FNBP4: variants seen among roughly 807,000 people sequenced by gnomAD.
FNBP4 encodes formin-binding protein 4.
Under a neutral mutation model 119.3 loss-of-function variants are expected in FNBP4, and 34 were observed. That is an observed-to-expected ratio of 0.28 (90% CI 0.22 to 0.38). FNBP4 has a LOEUF of 0.38. Among genes scored for constraint, FNBP4 ranks in the 10% least tolerant of loss-of-function variants. The probability of loss-of-function intolerance (pLI) is 1.00; values close to 1 mark genes in which losing one functional copy is unlikely to be tolerated. For synonymous variants in FNBP4, 462 were observed against 430.6 expected (o/e 1.07, Z -0.90); for missense variants, 1,112 against 1,228.9 (o/e 0.90, Z 1.42).
At chr11:47,743,864 G>T in intron 8 of FNBP4, 89 bp downstream of exon 8, 2 of 1,179,718 alleles carry the variant, frequency 1.7e-6, no homozygotes, top group East Asian at 2.4e-5. Context: ...ACAATCTCCT[G>T]TTTTGTTGAA....
chr11:47,756,024 G>A (rs1052864394), intron 2 of FNBP4, among the ~76,000 whole-genome samples: 1 of 152,120 alleles, frequency 6.6e-6, no homozygotes, highest in African/African-American at 2.4e-5. Context: ...AGTTAAAAAC[G>A]AAGCTTTTAA....
At position 47,754,580 on chromosome 11, in the gene FNBP4, G is replaced by T; in HGVS notation, c.398C>A (p.Thr133Lys). The change falls in exon 3 of 17, where the codon ACA becomes AAA. Residue 133 changes from threonine (T) to lysine (K), a missense_variant. Physicochemically the swap from Thr to Lys is moderately conservative, Grantham distance 78. Around this residue, in one of 2 missense-constraint regions of FNBP4, gnomAD observed 286 missense variants for 240.1 expected, o/e 1.19. Coordinates refer to ENST00000263773, the MANE Select transcript of FNBP4 (RefSeq NM_015308.5). ...VSEKLAQSKE[T>K]NGNQSTDIDS... ...AATATCAGTTGACTGGTTTCCATTT[G>T]TCTCTTTGGATTGTGCTAGTTTTTC... 15 of 1,614,118 alleles carry T rather than the reference G, an allele frequency of 9.3e-6. No individual in the cohort carries two copies. The highest frequency in any genetic ancestry group is 1.3e-5 in the Non-Finnish European group (15 of 1,180,014).
At chr11:47,739,564 T>C (rs1156975866) in intron 8 of FNBP4, among the ~76,000 whole-genome samples, 2 of 152,144 alleles carry the variant, frequency 1.3e-5, no homozygotes, top group African/African-American at 2.4e-5. Context: ...GTACATAAAA[T>C]ATATTCATCA....
intron 16 of FNBP4, among the ~76,000 whole-genome samples, chr11:47,718,316 C>G (rs1016352339): frequency 6.6e-6 from 1 of 151,994 alleles, no homozygotes; most frequent in Non-Finnish European, 1.5e-5. Flanking sequence ...TAGGTCCAAG[C>G]GATTCTCCTG....
chr11:47,745,953 T>G, intron 7 of FNBP4, 103 bp downstream of exon 7: 2 of 1,043,778 alleles, frequency 1.9e-6, no homozygotes, highest in Non-Finnish European at 2.8e-6. Flanking sequence ...GATGATGGGA[T>G]AAGAAAAACA....
intron 10 of FNBP4, among the ~76,000 whole-genome samples, chr11:47,733,243 C>T (rs2097569610): frequency 6.6e-6 from 1 of 152,044 alleles, no homozygotes; most frequent in African/African-American, 2.4e-5. Context: ...CCCTTTTGGA[C>T]TTATTAAGAT....
At chr11:47,765,573 G>C (rs768081597) in intron 1 of FNBP4, among the ~76,000 whole-genome samples, 1 of 110,822 alleles carries the variant, frequency 9.0e-6, no homozygotes, top group Admixed American at 8.1e-5. Flanking sequence ...AAGACGGGGG[G>C]GGGGGGGGGC....
chr11:47,735,477 G>C (rs1251731190), intron 9 of FNBP4, among the ~76,000 whole-genome samples: 1 of 152,158 alleles, frequency 6.6e-6, no homozygotes, highest in African/African-American at 2.4e-5. Flanking sequence ...CATGAGATTA[G>C]GTTAGAAATG....
rs770298055 is a variant in FNBP4 at position 47,724,778 on chromosome 11, C to G, written c.2009G>C (p.Gly670Ala). ...NSTESSETST[G>A]SLCKESFSGQ... is the part of the protein sequence containing the mutation. ...AGAAAAGGATTCTTTACAAAGAGAA[C>G]CTATGAAAACAGGTAAGAGTCAGGG... is the stretch of plus-strand genomic sequence containing the variant. Residue 670 changes from glycine (G) to alanine (A), a missense_variant and splice_region_variant, in exon 13 of 17, where the codon GGT becomes GCT. Coordinates refer to ENST00000263773, the MANE Select transcript of FNBP4 (RefSeq NM_015308.5). 1 of 1,536,368 alleles carries G rather than the reference C, an allele frequency of 6.5e-7. No individual in the cohort carries two copies. The highest frequency in any genetic ancestry group is 2.3e-5 in the East Asian group (1 of 44,130).
At chr11:47,725,067 T>G (rs2097559570) in intron 12 of FNBP4, 1 of 255,156 alleles carries the variant, frequency 3.9e-6, no homozygotes, top group Non-Finnish European at 7.4e-6. Flanking sequence ...CTTCCCCATC[T>G]GTATTATACT....
chr11:47,727,947 T>C (rs1469586873), intron 12 of FNBP4, among the ~76,000 whole-genome samples: 1 of 152,148 alleles, frequency 6.6e-6, no homozygotes, highest in Admixed American at 6.5e-5. Context: ...TGGTGTGATA[T>C]TGGCCCACCA....
intron 12 of FNBP4, chr11:47,729,790 T>A (rs1323587025): frequency 1.6e-5 from 16 of 985,338 alleles, no homozygotes; most frequent in Non-Finnish European, 1.9e-5. Context: ...GAGCTCTCTT[T>A]ATTAGGCTTA....
chr11:47,745,316 G>A lies in FNBP4; in HGVS notation c.1245+740C>T, dbSNP rs143796119. 8.0e-3 allele frequency among the ~76,000 whole-genome samples: 1,218 copies of A among 152,146 alleles called. 18 individuals are homozygous for A. The highest frequency in any genetic ancestry group is 0.027 in the African/African-American group (1,133 of 41,492). On this transcript the variant is annotated intron_variant, in intron 7 of 16. Coordinates refer to ENST00000263773, the MANE Select transcript of FNBP4 (RefSeq NM_015308.5). ...TGGACATGCAAGTAGGGAAGATATC[G>A]CTAAATTCTTTTCCTAGCAAGGAAT...
chr11:47,736,801 T>C, intron 8 of FNBP4, 61 bp from the exon 9 acceptor site: 3 of 1,373,060 alleles, frequency 2.2e-6, no homozygotes, highest in Non-Finnish European at 2.0e-6. Flanking sequence ...ACTATATACC[T>C]TTTCCCCCAT....
chr11:47,750,697 AAAAAAAAAAAAAAAAAAAAAG>A (rs2097600958), intron 6 of FNBP4, among the ~76,000 whole-genome samples, 198 bp downstream of exon 6: 1 of 135,258 alleles, frequency 7.4e-6, no homozygotes, highest in Non-Finnish European at 1.6e-5. Context: ...TCAAAAAAAA[AAAAAAAAAAAAAAAAAAAAAG>A]AAAAAAGAAA....
intron 2 of FNBP4, among the ~76,000 whole-genome samples, chr11:47,757,676 T>C (rs935685147): frequency 2.0e-5 from 3 of 151,378 alleles, no homozygotes; most frequent in Admixed American, 6.6e-5. Context: ...GCATTTTTAG[T>C]AGAGATGGGG....
In FNBP4 at chr11:47,717,406, T is replaced by TTAAGGAA; in HGVS notation, c.*15_*16insTTCCTTA. 4 of 1,587,386 alleles carry TTAAGGAA rather than the reference T, an allele frequency of 2.5e-6. No individual in the cohort carries two copies. The highest frequency in any genetic ancestry group is 3.4e-6 in the Non-Finnish European group (4 of 1,162,138). ...AAAACAAACAATAATACAAAAAAGTTTTAAAAACTTAAAAACTATGTGTTT... is the reference window on the plus strand; with the variant it reads ...AAAACAAACAATAATACAAAAAAGTTTAAGGAATTAAAAACTTAAAAACTATGTGTTT... On this transcript the variant is annotated 3_prime_UTR_variant, in exon 17 of 17. Coordinates refer to ENST00000263773, the MANE Select transcript of FNBP4 (RefSeq NM_015308.5).
Position 47,743,964 on chromosome 11 carries a change from T to C in FNBP4, c.1445A>G (p.Asn482Ser), listed in dbSNP as rs1415461772. Reference sequence around the variant, plus strand: ...GAAGCACAAATTACCAGTTTCTCCATTTTCTGGAGTATCTCGTCCAGTTTT... The same window carrying C: ...GAAGCACAAATTACCAGTTTCTCCACTTTCTGGAGTATCTCGTCCAGTTTT... Reference protein sequence around the residue: ...SSKTGRDTPENGETAIGAENS... With the variant: ...SSKTGRDTPESGETAIGAENS... The change falls in exon 8 of 17, where the codon AAT becomes AGT. Residue 482 changes from asparagine (N) to serine (S), a missense_variant. Physicochemically the swap from Asn to Ser is conservative, Grantham distance 46. Transcript: ENST00000263773. 2.5e-6 allele frequency: 4 copies of C among 1,613,890 alleles called. No homozygotes were observed. The East Asian group carries it at 6.7e-5, about 27-fold the overall frequency.
intron 2 of FNBP4, among the ~76,000 whole-genome samples, chr11:47,755,381 G>A (rs751045104): frequency 6.9e-5 from 10 of 145,428 alleles, no homozygotes; most frequent in South Asian, 2.2e-4. Flanking sequence ...CTCGGGAGGC[G>A]GAGGTTGCGG....
Sources: gnomAD v4.1 joint callset for allele counts (sites outside exome capture counted in the v4.1 genomes callset) on GRCh38, gnomAD v4.1.1 for gene constraint, gnomAD v4.1.1 regional missense constraint, MANE v1.5 for transcripts, NCBI Gene and HGNC (gene_info 2026-07-23, HGNC 2026-07-21) for gene names.